Variants in RPS6KA3 observed in about 807,000 individuals in gnomAD.
The protein encoded by RPS6KA3 is ribosomal protein S6 kinase A3.
In RPS6KA3, 4 loss-of-function variants were observed where a neutral mutation model predicts 67.2. That is an observed-to-expected ratio of 0.06 (90% CI 0.03 to 0.14). RPS6KA3 has a LOEUF of 0.14. Ranked by LOEUF, RPS6KA3 falls within the 10% of genes least tolerant of loss-of-function variation. The probability of loss-of-function intolerance (pLI) is 1.00; values close to 1 mark genes in which losing one functional copy is unlikely to be tolerated. For synonymous variants in RPS6KA3, 182 were observed against 183.7 expected (o/e 0.99, Z 0.07); for missense variants, 204 against 559.0 (o/e 0.36, Z 6.40).
At chrX:20,252,480 T>C (rs1275747177) in intron 1 of RPS6KA3, among the ~76,000 whole-genome samples, 1 of 110,181 alleles carries the variant, frequency 9.1e-6, no homozygotes, top group Non-Finnish European at 1.9e-5. Context: ...AACTTCCCTC[T>C]GGGCCGCACC....
intron 1 of RPS6KA3, among the ~76,000 whole-genome samples, chrX:20,246,443 C>T (rs929441322): frequency 1.8e-5 from 2 of 111,148 alleles, no homozygotes; most frequent in African/African-American, 3.3e-5. Flanking sequence ...CTAATGGGTC[C>T]ACTTCCATTT....
intron 7 of RPS6KA3, among the ~76,000 whole-genome samples, chrX:20,193,250 C>G (rs2068188251): frequency 9.0e-6 from 1 of 110,852 alleles, no homozygotes; most frequent in African/African-American, 3.3e-5. Context: ...TGCACTCCAG[C>G]CTGGGCAACA....
intron 4 of RPS6KA3, among the ~76,000 whole-genome samples, chrX:20,196,889 G>GATCC (rs1294624385): frequency 4.5e-5 from 5 of 111,789 alleles, no homozygotes; most frequent in African/African-American, 1.6e-4. Flanking sequence ...GCCCTGGCTG[G>GATCC]AGTGCAGTGG....
At chrX:20,176,578 C>CTAATTAAT (rs754409176) in intron 11 of RPS6KA3, 80 bp from the exon 12 acceptor site, 22 of 586,945 alleles carry the variant, frequency 3.7e-5, no homozygotes, top group Non-Finnish European at 5.3e-5. Context: ...CAATACTTGT[C>CTAATTAAT]TAATTAATTA....
chrX:20,153,124 TA>T lies in RPS6KA3; in HGVS notation c.*2273del, dbSNP rs1371417440. ...AAGCAATTACGGAGTAGCATCAGTG[TA>T]AAAAAATCTGAAAATATATCTATTT... On this transcript the variant is annotated 3_prime_UTR_variant, in exon 22 of 22. Transcript: ENST00000379565. 9.0e-6 allele frequency: 1 copy of T among 111,591 alleles called. No homozygotes were observed. The highest frequency in any genetic ancestry group is 1.9e-5 in the Non-Finnish European group (1 of 53,105). The allele number at this position is 111,591 out of a possible 1,213,427, so 9.2% of individuals were successfully genotyped here.
chrX:20,180,575 T>C (rs2067819027), intron 10 of RPS6KA3, among the ~76,000 whole-genome samples: 1 of 111,409 alleles, frequency 9.0e-6, no homozygotes, highest in Non-Finnish European at 1.9e-5. Flanking sequence ...CTCTGAAAAT[T>C]AGCCAAACAG....
chrX:20,218,095 C>T (rs2068900727), intron 2 of RPS6KA3, among the ~76,000 whole-genome samples: 1 of 112,107 alleles, frequency 8.9e-6, no homozygotes, highest in Admixed American at 9.5e-5. Context: ...AGTTTTCTCC[C>T]AATCTGGAAT....
intron 10 of RPS6KA3, among the ~76,000 whole-genome samples, chrX:20,185,896 T>G (rs948005888): frequency 2.7e-5 from 3 of 112,339 alleles, no homozygotes; most frequent in Non-Finnish European, 5.6e-5. Context: ...TTTCTTATAC[T>G]ACAGCCAACA....
At chrX:20,222,798 A>T (rs2148762043) in intron 2 of RPS6KA3, among the ~76,000 whole-genome samples, 1 of 111,940 alleles carries the variant, frequency 8.9e-6, no homozygotes, top group South Asian at 3.7e-4. Flanking sequence ...AAGCAGACTA[A>T]TTTATGCCCC....
chrX:20,231,203 T>C (rs1236394991), intron 2 of RPS6KA3, among the ~76,000 whole-genome samples: 1 of 111,263 alleles, frequency 9.0e-6, no homozygotes, highest in African/African-American at 3.3e-5. Context: ...AGCGAACCTC[T>C]TGCCTCAGCC....
rs373147884 is a variant in RPS6KA3 at position 20,176,370 on chromosome X, A to G, written c.1000-18T>C. ...TACAGTTTCTGGAGGGGAAAAAAAA[A>G]AGAGACTTAGACATATTTTAATTAT... On this transcript the variant is annotated intron_variant, in intron 12 of 21. Coordinates refer to ENST00000379565, the MANE Select transcript of RPS6KA3 (RefSeq NM_004586.3). 7.1e-6 allele frequency: 8 copies of G among 1,132,633 alleles called. No homozygotes were observed. The highest frequency in any genetic ancestry group is 3.6e-5 in the African/African-American group (2 of 55,229). The allele number at this position is 1,132,633 out of a possible 1,213,427, so 93.3% of individuals were successfully genotyped here. A position where few individuals can be genotyped will look rare whatever the true frequency, so the allele number is the denominator to read the frequency against.
chrX:20,237,437 C>A (rs2069441466), intron 1 of RPS6KA3, among the ~76,000 whole-genome samples: 1 of 111,677 alleles, frequency 9.0e-6, no homozygotes, highest in Non-Finnish European at 1.9e-5. Flanking sequence ...AAGCAAGTGT[C>A]ACAACTTATA....
intron 1 of RPS6KA3, among the ~76,000 whole-genome samples, chrX:20,266,261 C>A (rs2070381006): frequency 9.1e-6 from 1 of 110,203 alleles, no homozygotes. Flanking sequence ...GCTCCGCCTC[C>A]CGCTTCCCCC....
intron 2 of RPS6KA3, among the ~76,000 whole-genome samples, chrX:20,220,839 A>G (rs2068971084): frequency 8.9e-6 from 1 of 111,938 alleles, no homozygotes; most frequent in South Asian, 3.7e-4. Flanking sequence ...AGTGACTGAA[A>G]AGAATGTGGC....
Position 20,175,308 on chromosome X carries a change from A to C in RPS6KA3, c.1103-20T>G. ...GTGAATCTGAAAAGAGTAAGAAGTG[A>C]CAAAGAAGATTCATTTGAAAGGAAA... On this transcript the variant is annotated intron_variant, in intron 13 of 21. Coordinates refer to ENST00000379565, the MANE Select transcript of RPS6KA3 (RefSeq NM_004586.3). The C allele has an allele frequency of 8.3e-7, 1 of 1,205,380 alleles. No individual in the cohort carries two copies. Among genetic ancestry groups the C allele is most frequent in the Non-Finnish European group, 1.1e-6 (1 of 889,938 alleles).
chrX:20,249,667 T>C (rs2069807813), intron 1 of RPS6KA3, among the ~76,000 whole-genome samples: 1 of 112,447 alleles, frequency 8.9e-6, no homozygotes, highest in Non-Finnish European at 1.9e-5. Flanking sequence ...TGCTGAGTTT[T>C]GAGAGTTCTT....
chrX:20,219,137 T>A (rs961763451), intron 2 of RPS6KA3, among the ~76,000 whole-genome samples: 1 of 112,079 alleles, frequency 8.9e-6, no homozygotes, highest in African/African-American at 3.2e-5. Context: ...TTTCTCCTAG[T>A]TCCCAGCAAT....
intron 1 of RPS6KA3, among the ~76,000 whole-genome samples, chrX:20,238,731 T>C: frequency 9.0e-6 from 1 of 111,692 alleles, no homozygotes; most frequent in Non-Finnish European, 1.9e-5. Context: ...AATTTAATTT[T>C]TAAAGCAGCG....
intron 1 of RPS6KA3, among the ~76,000 whole-genome samples, chrX:20,244,168 AG>A (rs1569266480): frequency 8.9e-6 from 1 of 111,913 alleles, no homozygotes; most frequent in Admixed American, 9.5e-5. Flanking sequence ...TCAACTTATA[AG>A]TTTCTATGAA....
Sources: gnomAD v4.1 joint callset for allele counts (sites outside exome capture counted in the v4.1 genomes callset) on GRCh38, gnomAD v4.1.1 for gene constraint, MANE v1.5 for transcripts, NCBI Gene and HGNC (gene_info 2026-07-23, HGNC 2026-07-21) for gene names.